The following MTFR1 variants were observed in gnomAD, a reference collection of about 807,000 sequenced individuals.
MTFR1 encodes mitochondrial fission regulator 1.
A neutral mutation model predicts 38.8 loss-of-function variants in MTFR1; 28 were observed. The ratio of observed to expected loss-of-function variants is 0.72; its 90% CI spans 0.53 to 0.99. MTFR1 has a LOEUF of 0.99. Among genes scored for constraint, MTFR1 ranks in the 50% least tolerant of loss-of-function variants. The pLI is 0.00. For missense variants in MTFR1, 358 were observed against 395.5 expected, an observed-to-expected ratio of 0.91 and a Z score of 0.81; for synonymous variants, 145 against 137.0, an observed-to-expected ratio of 1.06 and a Z score of -0.41.
intron 3 of MTFR1, chr8:65,719,634 T>G: frequency 1.6e-6 from 1 of 636,372 alleles, no homozygotes. Context: ...CCTGTGTATG[T>G]GTAGGTGACA....
At chr8:65,687,734 C>T (rs1203271885) in intron 3 of MTFR1, among the ~76,000 whole-genome samples, 1 of 152,098 alleles carries the variant, frequency 6.6e-6, no homozygotes, top group Non-Finnish European at 1.5e-5. Flanking sequence ...GTCTTTCAGA[C>T]TGTTGTTCTT....
At chr8:65,728,254 C>T (rs1806689166) in intron 3 of MTFR1, 2 of 152,144 alleles carry the variant, frequency 1.3e-5, no homozygotes, top group South Asian at 2.1e-4. Context: ...GATTATTATA[C>T]TGAACTAACA....
At chr8:65,644,978 C>G (rs904897549) in intron 1 of MTFR1, among the ~76,000 whole-genome samples, 194 bp downstream of exon 1, 1 of 152,210 alleles carries the variant, frequency 6.6e-6, no homozygotes, top group Non-Finnish European at 1.5e-5. Flanking sequence ...GAGACTGCCT[C>G]GGCTGAGGGC....
intron 3 of MTFR1, among the ~76,000 whole-genome samples, chr8:65,729,812 G>A (rs1806772462): frequency 1.3e-5 from 2 of 151,360 alleles, no homozygotes; most frequent in Non-Finnish European, 1.5e-5. Flanking sequence ...CAGGTGATCC[G>A]CCTGCCTTGG....
intron 3 of MTFR1, among the ~76,000 whole-genome samples, chr8:65,740,114 C>G (rs1207050124): frequency 6.8e-6 from 1 of 146,892 alleles, no homozygotes; most frequent in Non-Finnish European, 1.5e-5. Context: ...ATTAAAAACT[C>G]TGAACTCAGC....
At chr8:65,695,330 A>G (rs945273377) in intron 4 of MTFR1, among the ~76,000 whole-genome samples, 1 of 151,976 alleles carries the variant, frequency 6.6e-6, no homozygotes, top group Non-Finnish European at 1.5e-5. Flanking sequence ...TAGGATAATT[A>G]TAAGGATGGT....
chr8:65,744,733 G>A (rs147698973), intron 3 of MTFR1, among the ~76,000 whole-genome samples: 98 of 152,282 alleles, frequency 6.4e-4, no homozygotes, highest in African/African-American at 2.3e-3. Context: ...TAAAAAACAT[G>A]AGATAATAAT....
intron 1 of MTFR1, among the ~76,000 whole-genome samples, chr8:65,663,833 T>G (rs1474003108): frequency 2.8e-5 from 4 of 144,978 alleles, no homozygotes; most frequent in Non-Finnish European, 4.6e-5. Context: ...TTTTTTTTTT[T>G]TTTTTTTTTG....
downstream of MTFR1, chr8:65,710,599 T>TAAG (rs1483149812): frequency 6.6e-6 from 1 of 152,402 alleles, no homozygotes. Flanking sequence ...TCACAATAGG[T>TAAG]AAGATTCTTT....
chr8:65,703,608 A>G (rs1029035531), intron 4 of MTFR1, among the ~76,000 whole-genome samples: 3 of 151,380 alleles, frequency 2.0e-5, no homozygotes, highest in South Asian at 4.2e-4. Flanking sequence ...TAATTCTTGT[A>G]TTTTTAGTAG....
rs750576754 is a variant in MTFR1 at position 65,644,743 on chromosome 8, G to C, written c.-122G>C. 2 of 152,494 alleles carry C rather than the reference G, an allele frequency of 1.3e-5. No homozygotes were observed. The highest frequency in any genetic ancestry group is 1.3e-4 in the Admixed American group (2 of 15,292). The allele number at this position is 152,494 out of a possible 1,614,324, so 9.4% of individuals were successfully genotyped here. A position where few individuals can be genotyped will look rare whatever the true frequency, so the allele number is the denominator to read the frequency against. ...ACGCCACGGGACAGCCAAGCTAGAA[G>C]CCTGAGGAGCCGGAGAGGGTGCTGG... On this transcript the variant is annotated 5_prime_UTR_variant, in exon 1 of 8. Transcript: ENST00000262146.
downstream of MTFR1, among the ~76,000 whole-genome samples, chr8:65,775,157 G>C (rs1253936811): frequency 1.3e-5 from 2 of 152,188 alleles, no homozygotes; most frequent in East Asian, 3.9e-4. Flanking sequence ...CTTAGTTTTT[G>C]AGTATGCACG....
chr8:65,668,729 G>C (rs113615674), intron 1 of MTFR1, among the ~76,000 whole-genome samples: 2 of 151,864 alleles, frequency 1.3e-5, no homozygotes, highest in African/African-American at 4.8e-5. Context: ...GGCCAGGCTG[G>C]TCTCAAACTC....
At chr8:65,763,386 T>G (rs993173856) in intron 3 of MTFR1, among the ~76,000 whole-genome samples, 13 of 151,994 alleles carry the variant, frequency 8.6e-5, no homozygotes, top group African/African-American at 3.1e-4. Flanking sequence ...ACCAACATGG[T>G]GAAACCCTGT....
chr8:65,648,963 T>C (rs186488803), intron 1 of MTFR1, among the ~76,000 whole-genome samples: 2 of 152,138 alleles, frequency 1.3e-5, no homozygotes, highest in African/African-American at 2.4e-5. Context: ...CGATTTGATA[T>C]ATAGTCGGCC....
chr8:65,758,132 T>C (rs1808322525), intron 3 of MTFR1, among the ~76,000 whole-genome samples: 2 of 152,166 alleles, frequency 1.3e-5, no homozygotes, highest in Non-Finnish European at 2.9e-5. Flanking sequence ...CCTGTGTCCA[T>C]TCCCATTCAT....
In MTFR1 at chr8:65,688,031, C is replaced by T. The variant is rs189083823; in HGVS notation, c.165+5580C>T. 3.2e-3 allele frequency among the ~76,000 whole-genome samples: 472 copies of T among 146,770 alleles called. 1 individual carries two copies. Among genetic ancestry groups the T allele is most frequent in the Non-Finnish European group, 5.0e-3 (339 of 67,316 alleles). On this transcript the variant is annotated intron_variant, in intron 3 of 7. Coordinates refer to ENST00000262146, the MANE Select transcript of MTFR1 (RefSeq NM_014637.4). Reference sequence around the variant, plus strand: ...AGGAGAATCGCTTGAACCTGGGAGACAGAGGTTGCAGTGAGCTGATACTGT... The same window carrying T: ...AGGAGAATCGCTTGAACCTGGGAGATAGAGGTTGCAGTGAGCTGATACTGT...
At chr8:65,647,283 GA>G (rs1157896182) in intron 1 of MTFR1, among the ~76,000 whole-genome samples, 1 of 152,160 alleles carries the variant, frequency 6.6e-6, no homozygotes, top group African/African-American at 2.4e-5. Context: ...AGAGAAAAGA[GA>G]ATGGTATATA....
At chr8:65,724,802 G>T in intron 3 of MTFR1, 1 of 1,608,568 alleles carries the variant, frequency 6.2e-7, no homozygotes, top group Admixed American at 1.7e-5. Flanking sequence ...TCTGTGTCTG[G>T]TGTCTTCTAG....
Sources: allele counts gnomAD v4.1 joint callset (sites outside exome capture counted in the v4.1 genomes callset), GRCh38; gene constraint gnomAD v4.1.1; transcripts MANE v1.5; gene names NCBI Gene and HGNC (gene_info 2026-07-23, HGNC 2026-07-21).